Variants in YTHDC1 observed in about 807,000 individuals in gnomAD.
YTHDC1 encodes the protein YTH domain-containing protein 1.
Under a neutral mutation model 107.0 loss-of-function variants are expected in YTHDC1, and 12 were observed. That is an observed-to-expected ratio of 0.11 (90% CI 0.07 to 0.18). The LOEUF is 0.18. Ranked by LOEUF, YTHDC1 falls within the 10% of genes least tolerant of loss-of-function variation. The pLI, the probability that YTHDC1 is intolerant of heterozygous loss-of-function variation, is 1.00. For missense variants in YTHDC1, 635 were observed against 898.8 expected (o/e 0.71, Z 3.75); for synonymous variants, 280 against 289.5 (o/e 0.97, Z 0.33).
intron 10 of YTHDC1, among the ~76,000 whole-genome samples, chr4:68,323,736 T>C (rs1472645204): frequency 6.6e-6 from 1 of 152,268 alleles, no homozygotes; most frequent in Admixed American, 6.5e-5. Flanking sequence ...TTTGTAGACT[T>C]GAAAACCTGA....
intron 1 of YTHDC1, chr4:68,343,912 AT>A (rs1327934783): frequency 2.6e-5 from 4 of 152,192 alleles, no homozygotes; most frequent in African/African-American, 9.7e-5. Flanking sequence ...TAAAATTCAA[AT>A]CTATCTAAAA....
At chr4:68,346,078 C>CATATATATATATATATATATATATAT (rs34633749) in intron 1 of YTHDC1, among the ~76,000 whole-genome samples, 39 of 132,660 alleles carry the variant, frequency 2.9e-4, no homozygotes, top group African/African-American at 9.6e-4. Context: ...TGTGTGTGTA[C>CATATATATATATATATATATATATAT]ATATATATAT....
intron 9 of YTHDC1, among the ~76,000 whole-genome samples, chr4:68,326,072 A>C (rs1292770206): frequency 1.3e-5 from 2 of 152,140 alleles, no homozygotes; most frequent in Non-Finnish European, 2.9e-5. Context: ...GCCAGTTTAA[A>C]ACAGTTATAG....
At chr4:68,332,751 C>T in intron 6 of YTHDC1, 43 bp downstream of exon 6, 2 of 1,574,060 alleles carry the variant, frequency 1.3e-6, no homozygotes, top group Non-Finnish European at 1.7e-6. Flanking sequence ...AAAATAATGA[C>T]TATGCAGCAT....
chr4:68,313,755 A>C lies in YTHDC1; in HGVS notation c.*344T>G, dbSNP rs889193511. 3 of 252,470 alleles carry C rather than the reference A, an allele frequency of 1.2e-5. No individual in the cohort carries two copies. The highest frequency in any genetic ancestry group is 7.0e-5 in the South Asian group (1 of 14,332). 15.6% of individuals were successfully genotyped at this position (252,470 alleles called of 1,614,324 possible). The stretch of plus-strand genomic sequence containing the variant: ...AAGCAAAATATCATGGCAGTTATCA[A>C]TCAAGATCCAAAAAGGAAAAAAACA... On this transcript the variant is annotated 3_prime_UTR_variant, in exon 17 of 17. Coordinates refer to ENST00000344157, the MANE Select transcript of YTHDC1 (RefSeq NM_001031732.4).
chr4:68,317,511 T>A (rs984826794), intron 15 of YTHDC1, among the ~76,000 whole-genome samples: 2 of 152,190 alleles, frequency 1.3e-5, no homozygotes, highest in Non-Finnish European at 2.9e-5. Flanking sequence ...CTACTTCAAC[T>A]TCCAGGTTTT....
At chr4:68,339,121 G>A (rs1430792800) in intron 1 of YTHDC1, among the ~76,000 whole-genome samples, 2 of 152,152 alleles carry the variant, frequency 1.3e-5, no homozygotes, top group Non-Finnish European at 2.9e-5. Context: ...ACTTTACAGT[G>A]GAGAAATGTT....
chr4:68,345,829 G>A (rs1725345810), intron 1 of YTHDC1, among the ~76,000 whole-genome samples: 1 of 151,912 alleles, frequency 6.6e-6, no homozygotes. Context: ...TTGATGTTCA[G>A]ATACACAAAT....
At chr4:68,324,294 T>TATAA in intron 9 of YTHDC1, 71 bp from the exon 10 acceptor site, 11 of 1,340,382 alleles carry the variant, frequency 8.2e-6, no homozygotes, top group Non-Finnish European at 1.2e-5. Flanking sequence ...CTTTTAGTAG[T>TATAA]GAATTCCTGT....
Position 68,336,705 on chromosome 4 carries a change from A to G in YTHDC1, c.883+322T>C, listed in dbSNP as rs576793774. On this transcript the variant is annotated intron_variant, in intron 4 of 16. Transcript: ENST00000344157. Reference sequence around the variant, plus strand: ...CCTATGAATATACTTCAAGTACATCAGTGTTTAAATAAACTGCTGACTGGT... The same window carrying G: ...CCTATGAATATACTTCAAGTACATCGGTGTTTAAATAAACTGCTGACTGGT... 2.0e-5 allele frequency among the ~76,000 whole-genome samples: 3 copies of G among 152,352 alleles called. No individual in the cohort carries two copies. In the East Asian group the frequency reaches 5.8e-4, roughly 29 times the overall value.
At chr4:68,342,716 C>T (rs552486458) in intron 1 of YTHDC1, among the ~76,000 whole-genome samples, 28 of 152,236 alleles carry the variant, frequency 1.8e-4, no homozygotes, top group African/African-American at 6.7e-4. Flanking sequence ...TGAAAAAGTA[C>T]ACTTTGCATA....
Position 68,332,834 on chromosome 4 carries a change from C to T in YTHDC1, c.987G>A (p.Lys329=). The stretch of plus-strand genomic sequence containing the variant: ...GAACGGAAGATGATAATTTCTCATG[C>T]TTCTTTTCTGAACCTGTATTTAGCC... ...ASESYAGSEK[K]HEKLSSSVRA... The change falls in exon 6 of 17, where the codon AAG becomes AAA. Residue 329 remains lysine, a synonymous_variant. Transcript: ENST00000344157. 1 of 1,613,118 alleles carries T rather than the reference C, an allele frequency of 6.2e-7. No individual in the cohort carries two copies. Among genetic ancestry groups the T allele is most frequent in the Non-Finnish European group, 8.5e-7 (1 of 1,179,550 alleles).
In YTHDC1 at chr4:68,348,532, A is replaced by T. The variant is rs149600226; in HGVS notation, c.28+1194T>A. 4.6e-5 allele frequency among the ~76,000 whole-genome samples: 7 copies of T among 151,906 alleles called. 1 individual carries two copies. The highest frequency in any genetic ancestry group is 1.7e-4 in the African/African-American group (7 of 41,426). ...TTTTAGCATTTAGTTTAAGGATGGAACATTAAACTGCTATAACCTAATCAA... is the reference window on the plus strand; with the variant it reads ...TTTTAGCATTTAGTTTAAGGATGGATCATTAAACTGCTATAACCTAATCAA... On this transcript the variant is annotated intron_variant, in intron 1 of 16. Transcript: ENST00000344157.
rs1306803577 is a variant in YTHDC1 at position 68,312,807 on chromosome 4, C to A, written c.*1292G>T. On this transcript the variant is annotated 3_prime_UTR_variant, in exon 17 of 17. Coordinates refer to ENST00000344157, the MANE Select transcript of YTHDC1 (RefSeq NM_001031732.4). ...CAAATATTCCTAATGTTTATAAAGG[C>A]CAAATTCCAAAGGCCAAAACTCCAG... The A allele has an allele frequency of 6.6e-6, 1 of 152,042 alleles. No individual in the cohort carries two copies. The highest frequency in any genetic ancestry group is 1.5e-5 in the Non-Finnish European group (1 of 67,992). The allele number at this position is 152,042 out of a possible 1,614,324, so 9.4% of individuals were successfully genotyped here. A position where few individuals can be genotyped will look rare whatever the true frequency, so the allele number is the denominator to read the frequency against.
chr4:68,338,945 A>G (rs1437604178), intron 1 of YTHDC1, among the ~76,000 whole-genome samples: 1 of 152,234 alleles, frequency 6.6e-6, no homozygotes, highest in Non-Finnish European at 1.5e-5. Context: ...CTGAGGCATA[A>G]AAAGAAAATG....
intron 12 of YTHDC1, 57 bp downstream of exon 12, chr4:68,320,066 T>C: frequency 4.8e-6 from 7 of 1,471,974 alleles, no homozygotes; most frequent in Non-Finnish European, 6.5e-6. Flanking sequence ...TTTTTAATTT[T>C]TTAATTTTTT....
intron 9 of YTHDC1, among the ~76,000 whole-genome samples, chr4:68,327,291 T>C (rs375310587): frequency 5.9e-5 from 9 of 152,252 alleles, no homozygotes; most frequent in African/African-American, 2.2e-4. Context: ...AAATGGGTTG[T>C]TTGGAATGGA....
chr4:68,319,078 G>C (rs1722165631), intron 12 of YTHDC1, among the ~76,000 whole-genome samples: 1 of 152,122 alleles, frequency 6.6e-6, no homozygotes, highest in African/African-American at 2.4e-5. Flanking sequence ...AACTGCTAGA[G>C]AAGCTTTCAG....
In YTHDC1 at chr4:68,314,209, C is replaced by G; in HGVS notation, c.2074G>C (p.Asp692His). 6.2e-7 allele frequency: 1 copy of G among 1,613,578 alleles called. No individual in the cohort carries two copies. Among genetic ancestry groups the G allele is most frequent in the Non-Finnish European group, 8.5e-7 (1 of 1,179,748 alleles). ...TCTCGCTCTCTGTCTCGTCTGTTAT[C>G]TCTAGGGCGGTCTCGCTCTCGTTCC... ...DRERERDRPR[D>H]NRRDRERDRG... Residue 692 changes from aspartate to histidine, a missense_variant, in exon 17 of 17, where the codon GAT becomes CAT. By Grantham distance (81) the Asp-to-His change is moderately conservative. Around this residue, in one of 5 missense-constraint regions of YTHDC1, gnomAD observed 256 missense variants for 372.9 expected, o/e 0.69. Transcript: ENST00000344157.
Sources: gnomAD v4.1 joint callset for allele counts (sites outside exome capture counted in the v4.1 genomes callset) on GRCh38, gnomAD v4.1.1 for gene constraint, gnomAD v4.1.1 regional missense constraint, MANE v1.5 for transcripts, NCBI Gene and HGNC (gene_info 2026-07-23, HGNC 2026-07-21) for gene names.